The following PTK2 variants were observed in gnomAD, a reference collection of about 807,000 sequenced individuals.
The protein encoded by PTK2 is protein tyrosine kinase 2.
Under a neutral mutation model 150.1 loss-of-function variants are expected in PTK2, and 45 were observed. That is an observed-to-expected ratio of 0.30 (90% confidence interval 0.24 to 0.38). The LOEUF is 0.38. Among genes scored for constraint, PTK2 ranks in the 10% least tolerant of loss-of-function variants. PTK2 has a pLI of 1.00. For missense variants in PTK2, 919 were observed against 1,307.3 expected (o/e 0.70, Z 4.58); for synonymous variants, 432 against 449.2 (o/e 0.96, Z 0.48).
intron 1 of PTK2, among the ~76,000 whole-genome samples, chr8:140,941,720 T>C (rs2100175848): frequency 1.3e-5 from 2 of 152,108 alleles, no homozygotes; most frequent in South Asian, 4.2e-4. Context: ...TATTTTTTTT[T>C]TGGAGACAGG....
chr8:140,772,398 C>T (rs897315168), intron 14 of PTK2, among the ~76,000 whole-genome samples: 10 of 152,094 alleles, frequency 6.6e-5, no homozygotes, highest in African/African-American at 2.4e-4. Flanking sequence ...TGAACTCCAG[C>T]CTGGCGACAG....
intron 6 of PTK2, 47 bp downstream of exon 6, chr8:140,846,551 AT>A: frequency 5.6e-6 from 8 of 1,420,180 alleles, no homozygotes; most frequent in Non-Finnish European, 7.9e-6. Context: ...TTCAAAAATA[AT>A]TAAAAAATTG....
intron 27 of PTK2, among the ~76,000 whole-genome samples, chr8:140,682,371 A>C (rs1160893765): frequency 6.6e-6 from 1 of 152,194 alleles, no homozygotes; most frequent in Non-Finnish European, 1.5e-5. Flanking sequence ...CCCTGTCTCA[A>C]AACAAAAACG....
intron 14 of PTK2, among the ~76,000 whole-genome samples, chr8:140,787,363 T>C (rs868293972): frequency 6.6e-6 from 1 of 152,326 alleles, no homozygotes; most frequent in Non-Finnish European, 1.5e-5. Context: ...AGGCCCTTTG[T>C]TGTAAGGACT....
chr8:140,918,941 A>T (rs894833153), intron 2 of PTK2, among the ~76,000 whole-genome samples: 11 of 152,206 alleles, frequency 7.2e-5, no homozygotes, highest in Non-Finnish European at 1.3e-4. Context: ...TCACACAGAT[A>T]AAAATTAACC....
intron 31 of PTK2, among the ~76,000 whole-genome samples, chr8:140,661,703 C>T (rs964253411): frequency 6.6e-6 from 1 of 152,088 alleles, no homozygotes; most frequent in Non-Finnish European, 1.5e-5. Context: ...GAGGTCTTGG[C>T]AGGAGAGGAG....
intron 18 of PTK2, among the ~76,000 whole-genome samples, chr8:140,745,935 G>C (rs976164253): frequency 6.6e-6 from 1 of 151,798 alleles, no homozygotes; most frequent in Non-Finnish European, 1.5e-5. Context: ...GGGAGGCGGA[G>C]GTTGTAATGG....
intron 14 of PTK2, among the ~76,000 whole-genome samples, chr8:140,773,566 G>A (rs995746505): frequency 6.6e-6 from 1 of 152,126 alleles, no homozygotes; most frequent in Non-Finnish European, 1.5e-5. Flanking sequence ...ACACACACAG[G>A]CCTTGGCTCT....
At position 140,805,085 on chromosome 8, in the gene PTK2, T is replaced by C. The variant is rs896130553; in HGVS notation, c.868-1435A>G. ...TTCTGCCATGGCAAAACAAATACCA[T>C]ACAGTCCTGGGGCGTTAAGTACCAT... On this transcript the variant is annotated intron_variant, in intron 10 of 31. Transcript: ENST00000522684. 3.3e-5 allele frequency among the ~76,000 whole-genome samples: 5 copies of C among 152,132 alleles called. No individual in the cohort carries two copies. The East Asian group carries it at 9.6e-4, about 29-fold the overall frequency.
At chr8:140,688,961 A>G (rs1266133113) in intron 26 of PTK2, among the ~76,000 whole-genome samples, 2 of 152,204 alleles carry the variant, frequency 1.3e-5, no homozygotes, top group Non-Finnish European at 2.9e-5. Context: ...TTTTTACCAG[A>G]GAGGACTATC....
At chr8:140,888,171 T>C (rs2100152986) in intron 3 of PTK2, among the ~76,000 whole-genome samples, 1 of 152,276 alleles carries the variant, frequency 6.6e-6, no homozygotes, top group South Asian at 2.1e-4. Context: ...TCTTCCATTT[T>C]TCTCTTTCCT....
intron 26 of PTK2, among the ~76,000 whole-genome samples, chr8:140,690,739 T>C (rs996230296): frequency 5.9e-5 from 9 of 152,234 alleles, no homozygotes; most frequent in African/African-American, 9.6e-5. Context: ...CCACAACATA[T>C]GATTCTACAG....
chr8:140,739,223 G>T, intron 20 of PTK2, 116 bp from the exon 24 acceptor site: 2 of 575,568 alleles, frequency 3.5e-6, no homozygotes, highest in Non-Finnish European at 2.8e-6. Context: ...AACCCTTGAG[G>T]CTTCCATTTA....
At chr8:140,928,552 C>T (rs765252318) in intron 1 of PTK2, among the ~76,000 whole-genome samples, 11 of 152,126 alleles carry the variant, frequency 7.2e-5, no homozygotes, top group Non-Finnish European at 1.5e-4. Flanking sequence ...GTAGAAGTAA[C>T]CCAGGTGTTC....
chr8:140,659,336 A>G lies in PTK2; in HGVS notation c.*130T>C. ...CTTATATGAGAAAGATTTTTCAACC[A>G]GATGGTCATTCAAAAAAGTTGGAGC... On this transcript the variant is annotated 3_prime_UTR_variant, in exon 32 of 32. Coordinates refer to ENST00000522684, the Ensembl canonical transcript of PTK2. 4 of 683,246 alleles carry G rather than the reference A, an allele frequency of 5.9e-6. No individual in the cohort carries two copies. In the South Asian group the frequency reaches 9.3e-5, roughly 16 times the overall value. 42.3% of individuals were successfully genotyped at this position (683,246 alleles called of 1,614,324 possible).
intron 17 of PTK2, chr8:140,751,860 C>T: frequency 1.9e-6 from 1 of 516,124 alleles, no homozygotes; most frequent in Non-Finnish European, 3.8e-6. Flanking sequence ...CTTCACTAGT[C>T]TATGAGCTCC....
intron 1 of PTK2, among the ~76,000 whole-genome samples, chr8:140,958,994 G>A (rs576504695): frequency 2.0e-5 from 3 of 152,022 alleles, no homozygotes; most frequent in African/African-American, 4.8e-5. Flanking sequence ...TCTCTTCCCC[G>A]TTGCTCTACA....
chr8:140,676,413 A>AATATATTAATTAATTAATTAATTAAT (rs1554666231), intron 27 of PTK2, among the ~76,000 whole-genome samples: 18 of 99,454 alleles, frequency 1.8e-4, no homozygotes, highest in South Asian at 9.2e-4. Flanking sequence ...TTAATTAATT[A>AATATATTAATTAATTAATTAATTAAT]ATATATATAT....
intron 27 of PTK2, among the ~76,000 whole-genome samples, chr8:140,676,943 C>CAAAAAA (rs71320398): frequency 1.2e-5 from 1 of 85,918 alleles, no homozygotes; most frequent in Non-Finnish European, 2.2e-5. Flanking sequence ...GACTCCATCT[C>CAAAAAA]AAAAAAAAAA....
Sources: allele counts gnomAD v4.1 joint callset (sites outside exome capture counted in the v4.1 genomes callset), GRCh38; gene constraint gnomAD v4.1.1; transcripts MANE v1.5; gene names NCBI Gene and HGNC (gene_info 2026-07-23, HGNC 2026-07-21).